Variants in ANKRD18A observed in about 807,000 individuals in gnomAD.
The protein encoded by ANKRD18A is ankyrin repeat domain-containing protein 18A.
In ANKRD18A, 72 loss-of-function variants were observed where a neutral mutation model predicts 110.6. The observed-to-expected ratio is 0.65, with a 90% CI of 0.54 to 0.79. ANKRD18A has a LOEUF of 0.79. Among genes scored for constraint, ANKRD18A ranks in the 30% least tolerant of loss-of-function variants. The pLI is 0.00. For synonymous variants in ANKRD18A, 305 were observed against 410.3 expected (o/e 0.74, Z 3.10); for missense variants, 934 against 1,163.3 (o/e 0.80, Z 2.87).
At chr9:38,573,184 T>A in intron 15 of ANKRD18A, 1 of 960,188 alleles carries the variant, frequency 1.0e-6, no homozygotes, top group Non-Finnish European at 1.4e-6. Context: ...AGAAATATTA[T>A]CATGAGATTA....
intron 8 of ANKRD18A, 85 bp downstream of exon 8, chr9:38,601,046 T>C: frequency 1.7e-6 from 2 of 1,191,126 alleles, no homozygotes; most frequent in Non-Finnish European, 2.4e-6. Context: ...GTCTAAAAGG[T>C]CACTTCATTT....
intron 1 of ANKRD18A, among the ~76,000 whole-genome samples, chr9:38,619,189 C>A (rs574504696): frequency 6.6e-6 from 1 of 152,044 alleles, no homozygotes; most frequent in East Asian, 1.9e-4. Flanking sequence ...TAAGTCTTTG[C>A]GTTTTCTTCT....
At chr9:38,581,104 C>A (rs1209810324) in intron 12 of ANKRD18A, among the ~76,000 whole-genome samples, 1 of 152,072 alleles carries the variant, frequency 6.6e-6, no homozygotes, top group East Asian at 1.9e-4. Context: ...GGTTCATGAA[C>A]AAAATAAATG....
chr9:38,612,788 A>T (rs1280399867), intron 3 of ANKRD18A, among the ~76,000 whole-genome samples: 1 of 152,054 alleles, frequency 6.6e-6, no homozygotes, highest in Non-Finnish European at 1.5e-5. Context: ...AAGTGCTGGG[A>T]TTACAGGTGT....
At chr9:38,588,853 C>A (rs185689054) in intron 10 of ANKRD18A, among the ~76,000 whole-genome samples, 190 bp from the exon 11 acceptor site, 1 of 152,196 alleles carries the variant, frequency 6.6e-6, no homozygotes, top group Non-Finnish European at 1.5e-5. Flanking sequence ...AAAAGATTCA[C>A]ACTTTCATCA....
Position 38,611,401 on chromosome 9 carries a change from A to G in ANKRD18A, c.496-80T>C, listed in dbSNP as rs900950532. The G allele has an allele frequency of 2.2e-5, 33 of 1,497,888 alleles. No homozygotes were observed. The African/African-American group carries it at 4.0e-4, about 18-fold the overall frequency. The allele number at this position is 1,497,888 out of a possible 1,614,324, so 92.8% of individuals were successfully genotyped here. Reference sequence around the variant, plus strand: ...AACTAAAAATCTTCTATAAGATGCTATGAACTTAAACATGCAATATAGAGA... The same window carrying G: ...AACTAAAAATCTTCTATAAGATGCTGTGAACTTAAACATGCAATATAGAGA... On this transcript the variant is annotated intron_variant, in intron 3 of 15. Transcript: ENST00000399703.
At chr9:38,608,942 TC>T (rs1260368750) in intron 5 of ANKRD18A, among the ~76,000 whole-genome samples, 2 of 152,024 alleles carry the variant, frequency 1.3e-5, no homozygotes, top group Non-Finnish European at 2.9e-5. Flanking sequence ...TATTTGAACA[TC>T]CCTAGCTGTT....
Position 38,571,691 on chromosome 9 carries a change from C to T in ANKRD18A, c.*354G>A. 1 of 1,034,292 alleles carries T rather than the reference C, an allele frequency of 9.7e-7. No homozygotes were observed. The highest frequency in any genetic ancestry group is 1.7e-5 in the African/African-American group (1 of 58,428). The allele number at this position is 1,034,292 out of a possible 1,614,324, so 64.1% of individuals were successfully genotyped here. Reference sequence around the variant, plus strand: ...ACCTTTACTAAAGTATCAATGATGACTTGGTTGTTTGGCTGTTTAAACAGC... The same window carrying T: ...ACCTTTACTAAAGTATCAATGATGATTTGGTTGTTTGGCTGTTTAAACAGC... On this transcript the variant is annotated 3_prime_UTR_variant, in exon 16 of 16. Coordinates refer to ENST00000399703, the MANE Select transcript of ANKRD18A (RefSeq NM_147195.4).
At chr9:38,581,615 G>T (rs1174043330) in intron 12 of ANKRD18A, among the ~76,000 whole-genome samples, 4 of 152,090 alleles carry the variant, frequency 2.6e-5, no homozygotes, top group Admixed American at 2.6e-4. Flanking sequence ...CTTCACAGAA[G>T]TAAAATAAAC....
chr9:38,586,204 C>T lies in ANKRD18A; in HGVS notation c.2226G>A (p.Leu742=), dbSNP rs765761455. The T allele has an allele frequency of 6.2e-7, 1 of 1,608,434 alleles. No homozygotes were observed. Among genetic ancestry groups the T allele is most frequent in the Non-Finnish European group, 8.5e-7 (1 of 1,178,116 alleles). ...LNTDQLKMDI[L]FKKLKQKFND... is the part of the protein sequence containing the mutation. ...TTACCTTCTGTTTTAGCTTCTTAAA[C>T]AGAATATCCATTTTCAGTTGGTCTG... The change falls in exon 12 of 16, where the codon CTG becomes CTA. Residue 742 remains leucine, a synonymous_variant. Transcript: ENST00000399703.
At chr9:38,602,404 A>C (rs1480302809) in intron 7 of ANKRD18A, among the ~76,000 whole-genome samples, 1 of 152,156 alleles carries the variant, frequency 6.6e-6, no homozygotes, top group Non-Finnish European at 1.5e-5. Context: ...GCGGCAAGAG[A>C]GGGAGAGAAG....
At chr9:38,566,788 A>C (rs1215484251), downstream of ANKRD18A, 1 of 152,216 alleles carries the variant, frequency 6.6e-6, no homozygotes, top group African/African-American at 2.4e-5. Flanking sequence ...CGGCAAGAGG[A>C]AAACATGCAG....
intron 14 of ANKRD18A, 65 bp from the exon 15 acceptor site, chr9:38,575,763 G>T (rs1367160445): frequency 2.0e-6 from 3 of 1,465,726 alleles, no homozygotes; most frequent in Non-Finnish European, 1.8e-6. Context: ...TTAATGACTT[G>T]CATTTTTTAA....
At chr9:38,600,443 T>C (rs552536868) in intron 8 of ANKRD18A, among the ~76,000 whole-genome samples, 170 of 152,350 alleles carry the variant, frequency 1.1e-3, no homozygotes, top group African/African-American at 3.9e-3. Flanking sequence ...GATAGTGTTA[T>C]CTAGATAGGT....
chr9:38,615,862 A>C, intron 2 of ANKRD18A, 68 bp downstream of exon 2: 4 of 1,521,480 alleles, frequency 2.6e-6, no homozygotes, highest in Non-Finnish European at 3.5e-6. Context: ...TAAATGAGAC[A>C]AATTCATTTT....
Position 38,586,199 on chromosome 9 carries a change from T to C in ANKRD18A, c.2231A>G (p.Lys744Arg), listed in dbSNP as rs1824373127. 1.2e-6 allele frequency: 2 copies of C among 1,608,082 alleles called. No homozygotes were observed. Among genetic ancestry groups the C allele is most frequent in the African/African-American group, 2.7e-5 (2 of 74,630 alleles). ...TAAAATTACCTTCTGTTTTAGCTTC[T>C]TAAACAGAATATCCATTTTCAGTTG... ...TDQLKMDILF[K>R]KLKQKFNDLV... The change falls in exon 12 of 16, where the codon AAG (lysine) becomes AGG (arginine). Residue 744 changes from lysine to arginine, a missense_variant. Physicochemically the swap from Lys to Arg is conservative, Grantham distance 26 (BLOSUM62 2). Coordinates refer to ENST00000399703, the MANE Select transcript of ANKRD18A (RefSeq NM_147195.4).
chr9:38,612,364 T>C (rs1587542365), intron 3 of ANKRD18A, among the ~76,000 whole-genome samples: 1 of 152,106 alleles, frequency 6.6e-6, no homozygotes, highest in Non-Finnish European at 1.5e-5. Context: ...TTGATTTCCA[T>C]TTAAATTGCT....
chr9:38,590,584 A>T (rs1255366241), intron 10 of ANKRD18A, among the ~76,000 whole-genome samples: 1 of 152,178 alleles, frequency 6.6e-6, no homozygotes, highest in African/African-American at 2.4e-5. Flanking sequence ...CTTTTCCATG[A>T]GAATCAGATT....
chr9:38,571,560 CA>C lies in ANKRD18A; in HGVS notation c.*484del. 3.0e-6 allele frequency: 3 copies of C among 994,330 alleles called. No individual in the cohort carries two copies. The highest frequency in any genetic ancestry group is 3.6e-6 in the Non-Finnish European group (3 of 830,558). 61.6% of individuals were successfully genotyped at this position (994,330 alleles called of 1,614,324 possible). A position where few individuals can be genotyped will look rare whatever the true frequency, so the allele number is the denominator to read the frequency against. Reference sequence around the variant, plus strand: ...CTCCACACAAAATACTATTGAGCTACAAGAAGAAAACCGTAACACTAGTATG... The same window carrying C: ...CTCCACACAAAATACTATTGAGCTACAGAAGAAAACCGTAACACTAGTATG... On this transcript the variant is annotated 3_prime_UTR_variant, in exon 16 of 16. Coordinates refer to ENST00000399703, the MANE Select transcript of ANKRD18A (RefSeq NM_147195.4).
Sources: gnomAD v4.1 joint callset for allele counts (sites outside exome capture counted in the v4.1 genomes callset) on GRCh38, gnomAD v4.1.1 for gene constraint, MANE v1.5 for transcripts, NCBI Gene and HGNC (gene_info 2026-07-23, HGNC 2026-07-21) for gene names.